The following ANKRD45 variants were observed in gnomAD, a reference collection of about 807,000 sequenced individuals.
The protein encoded by ANKRD45 is ankyrin repeat domain-containing protein 45.
Under a neutral mutation model 28.1 loss-of-function variants are expected in ANKRD45, and 21 were observed. The ratio of observed to expected loss-of-function variants is 0.75; its 90% CI spans 0.53 to 1.08. The LOEUF is 1.08. Ranked by LOEUF, ANKRD45 falls within the 50% of genes least tolerant of loss-of-function variation. The pLI is 0.00. For synonymous variants in ANKRD45, 86 were observed against 103.9 expected, an observed-to-expected ratio of 0.83 and a Z score of 1.05; for missense variants, 261 against 308.7, an observed-to-expected ratio of 0.85 and a Z score of 1.16.
intron 1 of ANKRD45, among the ~76,000 whole-genome samples, 197 bp downstream of exon 1, chr1:173,669,620 C>T (rs1304707966): frequency 1.3e-5 from 2 of 152,178 alleles, no homozygotes; most frequent in African/African-American, 4.8e-5. Context: ...GGACCTTCTG[C>T]GATCCCTTGC....
At chr1:173,639,900 C>T (rs772251833) in intron 3 of ANKRD45, among the ~76,000 whole-genome samples, 27 of 152,312 alleles carry the variant, frequency 1.8e-4, no homozygotes, top group Non-Finnish European at 3.4e-4. Flanking sequence ...ACAATGGAAC[C>T]TATCTCACAG....
intron 3 of ANKRD45, among the ~76,000 whole-genome samples, chr1:173,638,093 T>C (rs906389450): frequency 2.4e-5 from 3 of 123,842 alleles, no homozygotes; most frequent in African/African-American, 9.9e-5. Context: ...TTTTGGAGGC[T>C]GAGTGTGTGT....
At chr1:173,615,433 G>T (rs1249764945) in intron 5 of ANKRD45, among the ~76,000 whole-genome samples, 1 of 151,506 alleles carries the variant, frequency 6.6e-6, no homozygotes, top group Admixed American at 6.6e-5. Flanking sequence ...CTGAAGTGCG[G>T]TCTAGTGCTC....
At chr1:173,646,233 T>A (rs927891017) in intron 3 of ANKRD45, among the ~76,000 whole-genome samples, 2 of 152,212 alleles carry the variant, frequency 1.3e-5, no homozygotes, top group African/African-American at 4.8e-5. Flanking sequence ...AACTTCGTAT[T>A]GAAGTATAAC....
At chr1:173,624,990 T>C (rs1667866077) in intron 4 of ANKRD45, 65 bp from the exon 5 acceptor site, 2 of 1,520,568 alleles carry the variant, frequency 1.3e-6, no homozygotes, top group Non-Finnish European at 1.8e-6. Flanking sequence ...CAACAGTATC[T>C]CTAAACCAGC....
At chr1:173,709,303 G>A in the ANKRD45 span, among the ~76,000 whole-genome samples, 1 of 152,124 alleles carries the variant, frequency 6.6e-6, no homozygotes, top group Non-Finnish European at 1.5e-5. Flanking sequence ...CCTCTCTGAT[G>A]GCCAGAAGCC....
At position 173,608,948 on chromosome 1, in the gene ANKRD45, A is replaced by AAGGGAGG. The variant is rs1667035946; in HGVS notation, c.*1196_*1197insCCTCCCT. Among the ~76,000 whole-genome samples the AAGGGAGG allele has an allele frequency of 1.4e-5, 1 of 73,774 alleles. No homozygotes were observed. Among genetic ancestry groups the AAGGGAGG allele is most frequent in the African/African-American group, 9.8e-5 (1 of 10,154 alleles). 48.4% of individuals were successfully genotyped at this position (73,774 alleles called of 152,430 possible). A position where few individuals can be genotyped will look rare whatever the true frequency, so the allele number is the denominator to read the frequency against. Reference sequence around the variant, plus strand: ...GGGAGGGGAAGGGAGGGGAAGGGAGAGGAAGGGAGAGGAAGGAGAAGGGGA... The same window carrying AAGGGAGG: ...GGGAGGGGAAGGGAGGGGAAGGGAGAAGGGAGGGGAAGGGAGAGGAAGGAGAAGGGGA... On this transcript the variant is annotated 3_prime_UTR_variant, in exon 6 of 6. Coordinates refer to ENST00000333279, the MANE Select transcript of ANKRD45 (RefSeq NM_198493.3).
upstream of ANKRD45, among the ~76,000 whole-genome samples, chr1:173,671,258 C>T (rs190947870): frequency 2.0e-5 from 3 of 152,200 alleles, no homozygotes. Context: ...CGGCTTGTCA[C>T]ATCTGCAAGG....
intron 3 of ANKRD45, among the ~76,000 whole-genome samples, chr1:173,631,817 C>A (rs1668208570): frequency 6.6e-6 from 1 of 150,672 alleles, no homozygotes; most frequent in Admixed American, 6.6e-5. Flanking sequence ...CACAATATAC[C>A]AAAAGTATGG....
chr1:173,615,609 T>C (rs1465143056), intron 5 of ANKRD45, among the ~76,000 whole-genome samples: 4 of 151,990 alleles, frequency 2.6e-5, no homozygotes, highest in Non-Finnish European at 5.9e-5. Flanking sequence ...CAATGACAAA[T>C]ACTGACAAAG....
intron 2 of ANKRD45, among the ~76,000 whole-genome samples, chr1:173,656,018 C>T (rs1669491980): frequency 6.6e-6 from 1 of 152,212 alleles, no homozygotes; most frequent in Non-Finnish European, 1.5e-5. Context: ...TCATGGCTTC[C>T]CTTGGCTAGG....
At chr1:173,646,398 T>C (rs1330978727) in intron 3 of ANKRD45, among the ~76,000 whole-genome samples, 1 of 152,230 alleles carries the variant, frequency 6.6e-6, no homozygotes, top group Non-Finnish European at 1.5e-5. Flanking sequence ...ATTAGCACTA[T>C]AAATTAATTT....
chr1:173,662,101 T>C (rs1286560662), intron 1 of ANKRD45, among the ~76,000 whole-genome samples: 2 of 152,138 alleles, frequency 1.3e-5, no homozygotes, highest in Admixed American at 6.6e-5. Flanking sequence ...AACTCTGCAG[T>C]TGTTGCTTGA....
Position 173,608,619 on chromosome 1 carries a change from C to A in ANKRD45, c.*1526G>T, listed in dbSNP as rs771978046. 5.0e-4 allele frequency among the ~76,000 whole-genome samples: 75 copies of A among 151,454 alleles called. No individual in the cohort carries two copies. The highest frequency in any genetic ancestry group is 3.4e-3 in the Middle Eastern group (1 of 294). Reference sequence around the variant, plus strand: ...CAGGTGTGAGCCAGCACCCAGCCTGCAAATGTTTATTTTTTCAATTACCCA... The same window carrying A: ...CAGGTGTGAGCCAGCACCCAGCCTGAAAATGTTTATTTTTTCAATTACCCA... On this transcript the variant is annotated 3_prime_UTR_variant, in exon 6 of 6. Coordinates refer to ENST00000333279, the MANE Select transcript of ANKRD45 (RefSeq NM_198493.3).
chr1:173,691,038 T>A, the ANKRD45 span, among the ~76,000 whole-genome samples: 1 of 152,186 alleles, frequency 6.6e-6, no homozygotes, highest in Non-Finnish European at 1.5e-5. Context: ...AGTGGGGATG[T>A]CTCACCTCTT....
At chr1:173,621,445 A>G (rs187876414) in intron 5 of ANKRD45, among the ~76,000 whole-genome samples, 1 of 152,292 alleles carries the variant, frequency 6.6e-6, no homozygotes, top group Non-Finnish European at 1.5e-5. Context: ...GCACATCAAA[A>G]AGTTTATTCA....
At chr1:173,639,428 T>C (rs1668607068) in intron 3 of ANKRD45, among the ~76,000 whole-genome samples, 1 of 152,094 alleles carries the variant, frequency 6.6e-6, no homozygotes, top group South Asian at 2.1e-4. Flanking sequence ...GCAGTCCCCA[T>C]CTTCTCTTCC....
chr1:173,655,038 C>T (rs1306514484), intron 2 of ANKRD45, among the ~76,000 whole-genome samples: 1 of 152,174 alleles, frequency 6.6e-6, no homozygotes, highest in African/African-American at 2.4e-5. Flanking sequence ...GCGATGGGTT[C>T]AAACATCCTT....
intron 3 of ANKRD45, among the ~76,000 whole-genome samples, chr1:173,637,740 C>T (rs556935145): frequency 6.6e-6 from 1 of 152,330 alleles, no homozygotes; most frequent in East Asian, 1.9e-4. Context: ...AAGCAGCACC[C>T]TTTCTGCAGA....
Sources: gnomAD v4.1 joint callset for allele counts (sites outside exome capture counted in the v4.1 genomes callset) on GRCh38, gnomAD v4.1.1 for gene constraint, MANE v1.5 for transcripts, NCBI Gene and HGNC (gene_info 2026-07-23, HGNC 2026-07-21) for gene names.